EDAR: variants seen among roughly 807,000 people sequenced by gnomAD.
The protein encoded by EDAR is tumor necrosis factor receptor superfamily member EDAR.
A neutral mutation model predicts 51.3 loss-of-function variants in EDAR; 38 were observed. The ratio of observed to expected loss-of-function variants is 0.74; its 90% CI spans 0.57 to 0.97. The LOEUF (loss-of-function observed/expected upper bound fraction) is 0.97, where lower values mean the gene tolerates loss of function less well. Among genes scored for constraint, EDAR ranks in the 50% least tolerant of loss-of-function variants. The pLI is 0.00. For synonymous variants in EDAR, 227 were observed against 242.1 expected (o/e 0.94, Z 0.58); for missense variants, 528 against 595.0 (o/e 0.89, Z 1.17).
At position 108,939,403 on chromosome 2, in the gene EDAR, T is replaced by C. The variant is rs1339372769; in HGVS notation, c.-18-8371A>G. On this transcript the variant is annotated intron_variant, in intron 1 of 11. Coordinates refer to ENST00000258443, the MANE Select transcript of EDAR (RefSeq NM_022336.4). ...GGTTTCACCATGTTGGCAAGGCTGG[T>C]CTTGAACTCCTGACTTCAAGTGTCT... is the stretch of plus-strand genomic sequence containing the variant. Among the ~76,000 whole-genome samples the C allele has an allele frequency of 2.6e-5, 4 of 152,200 alleles. No individual in the cohort carries two copies. The East Asian group carries it at 5.8e-4, about 22-fold the overall frequency.
intron 1 of EDAR, among the ~76,000 whole-genome samples, chr2:108,955,384 C>T (rs1028342814): frequency 2.0e-5 from 3 of 152,198 alleles, no homozygotes; most frequent in African/African-American, 7.2e-5. Flanking sequence ...GAAATAAAAT[C>T]ATAACCCATT....
Position 108,898,198 on chromosome 2 carries a change from G to A in EDAR, c.1025-969C>T, listed in dbSNP as rs763851877. Among the ~76,000 whole-genome samples, 34 of 152,270 alleles carry A rather than the reference G, an allele frequency of 2.2e-4. 1 individual carries two copies. The highest frequency in any genetic ancestry group is 3.4e-3 in the Middle Eastern group (1 of 294). On this transcript the variant is annotated intron_variant, in intron 11 of 11. Coordinates refer to ENST00000258443, the MANE Select transcript of EDAR (RefSeq NM_022336.4). ...TAGCAAAGGCTGAGTGGGGAGCCTA[G>A]AATTCCACCCTCACCAGGCTGTAAC...
intron 5 of EDAR, among the ~76,000 whole-genome samples, chr2:108,921,812 T>C (rs1253321418): frequency 6.6e-6 from 1 of 152,216 alleles, no homozygotes; most frequent in Admixed American, 6.5e-5. Context: ...ATTTCCCAGA[T>C]GGGCAAGCCG....
chr2:108,987,546 C>A (rs891095011), intron 1 of EDAR, among the ~76,000 whole-genome samples: 17 of 152,202 alleles, frequency 1.1e-4, no homozygotes, highest in African/African-American at 3.6e-4. Flanking sequence ...AGCAAGAAAC[C>A]AGGTAGTGGC....
At position 108,910,471 on chromosome 2, in the gene EDAR, C is replaced by G; in HGVS notation, c.792G>C (p.Lys264Asn). 1 of 1,613,756 alleles carries G rather than the reference C, an allele frequency of 6.2e-7. No homozygotes were observed. The change falls in exon 9 of 12, where the codon AAG becomes AAC. Residue 264 changes from lysine (K) to asparagine (N), a missense_variant. Transcript: ENST00000258443. ...GGGCTTCCACATACCTCTTGGTGGG[C>G]TTTGCTGGAGTTGCTGTCAGCTTCT... ...EFEKLTATPA[K>N]PTKSENDASS...
intron 10 of EDAR, among the ~76,000 whole-genome samples, chr2:108,906,732 C>T (rs542772718): frequency 4.6e-5 from 7 of 152,358 alleles, no homozygotes; most frequent in Non-Finnish European, 1.0e-4. Context: ...TCCCGGATCA[C>T]GTGGCTGGTG....
chr2:108,949,163 G>A (rs370576271), intron 1 of EDAR, among the ~76,000 whole-genome samples: 1 of 151,968 alleles, frequency 6.6e-6, no homozygotes, highest in South Asian at 2.1e-4. Flanking sequence ...GTAGTTTTTT[G>A]TAGAGATGGG....
At chr2:108,954,626 G>A (rs1343604059) in intron 1 of EDAR, among the ~76,000 whole-genome samples, 3 of 151,748 alleles carry the variant, frequency 2.0e-5, no homozygotes, top group Non-Finnish European at 4.4e-5. Flanking sequence ...GCTTTCCTCT[G>A]TCACATTCCC....
At chr2:108,901,000 C>A (rs1309259138) in intron 11 of EDAR, among the ~76,000 whole-genome samples, 7 of 152,088 alleles carry the variant, frequency 4.6e-5, no homozygotes, top group Non-Finnish European at 1.0e-4. Context: ...GAAAAAAAAT[C>A]AAGAATATAG....
intron 6 of EDAR, among the ~76,000 whole-genome samples, chr2:108,911,948 T>A (rs1447527310): frequency 6.6e-6 from 1 of 152,224 alleles, no homozygotes; most frequent in Non-Finnish European, 1.5e-5. Context: ...ATGACATAAG[T>A]GTTTTAATAT....
intron 1 of EDAR, among the ~76,000 whole-genome samples, chr2:108,961,714 G>A (rs746560938): frequency 2.6e-5 from 4 of 152,178 alleles, no homozygotes; most frequent in African/African-American, 4.8e-5. Context: ...GCCTTGGGTG[G>A]GTGCGGAAAA....
chr2:108,964,750 G>A (rs1698117345), intron 1 of EDAR, among the ~76,000 whole-genome samples: 1 of 152,218 alleles, frequency 6.6e-6, no homozygotes, highest in African/African-American at 2.4e-5. Flanking sequence ...TGCTCACTAA[G>A]TGACAGCAGG....
chr2:108,980,979 C>A (rs368626648), intron 1 of EDAR, among the ~76,000 whole-genome samples: 1 of 62,092 alleles, frequency 1.6e-5, no homozygotes, highest in South Asian at 8.1e-4. Context: ...CGGACTAGAC[C>A]GTGGGAATGA....
chr2:108,912,524 G>C (rs749420920), intron 6 of EDAR, among the ~76,000 whole-genome samples, 154 bp downstream of exon 6: 2 of 152,128 alleles, frequency 1.3e-5, no homozygotes, highest in Non-Finnish European at 2.9e-5. Context: ...CTTCCTGCAC[G>C]GGGGGCAACA....
Position 108,907,933 on chromosome 2 carries a change from G to C in EDAR, c.890C>G (p.Ser297Cys). 1 of 1,613,682 alleles carries C rather than the reference G, an allele frequency of 6.2e-7. No homozygotes were observed. Among genetic ancestry groups the C allele is most frequent in the Non-Finnish European group, 8.5e-7 (1 of 1,180,026 alleles). The change falls in exon 10 of 12, where the codon TCC (serine) becomes TGC (cysteine). Residue 297 changes from serine (S) to cysteine (C), a missense_variant. By Grantham distance (112) the Ser-to-Cys change is moderately radical. Transcript: ENST00000258443. ...CAGCGACAGCAGGCACAGCTCCGGGGAGCCCTGCTTGTCAGGGGCGGGCTC... is the reference window on the plus strand; with the variant it reads ...CAGCGACAGCAGGCACAGCTCCGGGCAGCCCTGCTTGTCAGGGGCGGGCTC... ...DEEPAPDKQGSPELCLLSLVH... is the reference protein window; with the variant it reads ...DEEPAPDKQGCPELCLLSLVH...
chr2:108,948,797 G>T (rs1293005274), intron 1 of EDAR, among the ~76,000 whole-genome samples: 1 of 152,102 alleles, frequency 6.6e-6, no homozygotes, highest in Admixed American at 6.5e-5. Context: ...TTTGGCTGGG[G>T]ACACAGAGAC....
Position 108,954,035 on chromosome 2 carries a change from C to T in EDAR, c.-18-23003G>A, listed in dbSNP as rs1697874966. ...GGTCAGACAAAGAGAATTAAAGGAGCCCCTCTCTCTGTATAAGCCTATCCC... is the reference window on the plus strand; with the variant it reads ...GGTCAGACAAAGAGAATTAAAGGAGTCCCTCTCTCTGTATAAGCCTATCCC... On this transcript the variant is annotated intron_variant, in intron 1 of 11. Transcript: ENST00000258443. Among the ~76,000 whole-genome samples the T allele has an allele frequency of 3.3e-5, 5 of 152,140 alleles. No individual in the cohort carries two copies. In the South Asian group the frequency reaches 1.0e-3, roughly 32 times the overall value.
chr2:108,922,549 G>A (rs957960205), intron 5 of EDAR, among the ~76,000 whole-genome samples: 1 of 152,136 alleles, frequency 6.6e-6, no homozygotes, highest in Admixed American at 6.5e-5. Context: ...TCTTTCCAGC[G>A]TGATAAGACG....
At position 108,910,535 on chromosome 2, in the gene EDAR, G is replaced by T; in HGVS notation, c.731-3C>A. 6.2e-7 allele frequency: 1 copy of T among 1,612,408 alleles called. No homozygotes were observed. The highest frequency in any genetic ancestry group is 8.5e-7 in the Non-Finnish European group (1 of 1,178,640). The stretch of plus-strand genomic sequence containing the variant: ...CTCGGAGAACATCACCACGTTGTCT[G>T]CAGGGAAATGGGGAGGTTGGGGAGA... On this transcript the variant is annotated splice_region_variant and splice_polypyrimidine_tract_variant and intron_variant, in intron 8 of 11. Transcript: ENST00000258443.
Sources: allele counts gnomAD v4.1 joint callset (sites outside exome capture counted in the v4.1 genomes callset), GRCh38; gene constraint gnomAD v4.1.1; transcripts MANE v1.5; gene names NCBI Gene and HGNC (gene_info 2026-07-23, HGNC 2026-07-21).